The following RABGAP1L variants were observed in gnomAD, a reference collection of about 807,000 sequenced individuals.
RABGAP1L encodes RAB GTPase activating protein 1 like, also known as rab GTPase-activating protein 1-like.
Under a neutral mutation model 137.7 loss-of-function variants are expected in RABGAP1L, and 63 were observed. The observed-to-expected ratio is 0.46, with a 90% CI of 0.37 to 0.56. The LOEUF is 0.56. Among genes scored for constraint, RABGAP1L ranks in the 20% least tolerant of loss-of-function variants. The probability of loss-of-function intolerance (pLI) is 0.00; values close to 1 mark genes in which losing one functional copy is unlikely to be tolerated. For missense variants in RABGAP1L, 1,095 were observed against 1,244.0 expected, an observed-to-expected ratio of 0.88 and a Z score of 1.80; for synonymous variants, 431 against 433.7, an observed-to-expected ratio of 0.99 and a Z score of 0.08.
intron 13 of RABGAP1L, among the ~76,000 whole-genome samples, chr1:174,503,001 C>A (rs779031743): frequency 1.3e-5 from 2 of 152,094 alleles, no homozygotes; most frequent in African/African-American, 4.8e-5. Context: ...TATGTGTGTT[C>A]ATTCATGTGC....
At chr1:174,679,593 A>G (rs1677896734) in intron 14 of RABGAP1L, among the ~76,000 whole-genome samples, 2 of 152,216 alleles carry the variant, frequency 1.3e-5, no homozygotes, top group African/African-American at 4.8e-5. Flanking sequence ...TACTGGAGTC[A>G]GTGCAGTAGG....
At chr1:174,525,812 T>C (rs1018958324) in intron 13 of RABGAP1L, among the ~76,000 whole-genome samples, 3 of 152,206 alleles carry the variant, frequency 2.0e-5, no homozygotes, top group African/African-American at 4.8e-5. Flanking sequence ...ATTCCTTCTA[T>C]GCCTAGTTTG....
At chr1:174,862,003 A>C (rs556731789) in intron 19 of RABGAP1L, among the ~76,000 whole-genome samples, 1 of 152,222 alleles carries the variant, frequency 6.6e-6, no homozygotes, top group South Asian at 2.1e-4. Context: ...TGCTTGTGTC[A>C]AAAAATCATT....
chr1:174,238,386 C>A (rs941452504), intron 4 of RABGAP1L, among the ~76,000 whole-genome samples: 2 of 152,004 alleles, frequency 1.3e-5, no homozygotes, highest in Admixed American at 6.6e-5. Context: ...TGTTTTTTCC[C>A]CATCTTTGTG....
chr1:174,985,882 T>C (rs1044110069), intron 24 of RABGAP1L, among the ~76,000 whole-genome samples: 4 of 152,234 alleles, frequency 2.6e-5, no homozygotes, highest in Admixed American at 2.6e-4. Flanking sequence ...ATTAGTGACC[T>C]ACATCGTCAT....
chr1:174,689,569 C>G (rs1335424311), intron 15 of RABGAP1L, among the ~76,000 whole-genome samples: 1 of 152,120 alleles, frequency 6.6e-6, no homozygotes, highest in Non-Finnish European at 1.5e-5. Context: ...GGCAAAATGA[C>G]TGTTGGCTGG....
intron 13 of RABGAP1L, among the ~76,000 whole-genome samples, chr1:174,515,399 T>A (rs1384763365): frequency 6.6e-6 from 1 of 152,222 alleles, no homozygotes; most frequent in Non-Finnish European, 1.5e-5. Context: ...GCACACACAC[T>A]GAAGTATAAT....
At position 174,978,878 on chromosome 1, in the gene RABGAP1L, T is replaced by A; in HGVS notation, c.2721T>A (p.Ala907=). The A allele has an allele frequency of 6.5e-7, 1 of 1,542,180 alleles. No homozygotes were observed. ...TAAAGAAGACTACAGCTATCATTGC[T>A]GAGTATAAACAGGTAATGTACTTCT... is the stretch of plus-strand genomic sequence containing the variant. ...YEIKKTTAII[A]EYKQICSQLS... is the part of the protein sequence containing the mutation. Residue 907 remains alanine, a synonymous_variant, in exon 23 of 26, where the codon GCT becomes GCA. Coordinates refer to ENST00000681986, the MANE Select transcript of RABGAP1L (RefSeq NM_001366446.1).
At chr1:174,431,479 C>T (rs1652622346) in intron 13 of RABGAP1L, among the ~76,000 whole-genome samples, 2 of 152,108 alleles carry the variant, frequency 1.3e-5, no homozygotes, top group African/African-American at 4.8e-5. Flanking sequence ...AAAACAGGTA[C>T]CTCCTCACTT....
intron 19 of RABGAP1L, among the ~76,000 whole-genome samples, chr1:174,878,566 T>C (rs1209977933): frequency 2.6e-5 from 4 of 152,168 alleles, no homozygotes. Context: ...TAACTTCTTA[T>C]TATATTTAAT....
At chr1:174,736,934 G>A (rs1682998420) in intron 17 of RABGAP1L, among the ~76,000 whole-genome samples, 1 of 152,208 alleles carries the variant, frequency 6.6e-6, no homozygotes, top group African/African-American at 2.4e-5. Context: ...GGCCCCTGAA[G>A]CCATTCTTTC....
chr1:174,176,685 A>G (rs1302338503), intron 1 of RABGAP1L, among the ~76,000 whole-genome samples: 3 of 132,004 alleles, frequency 2.3e-5, no homozygotes, highest in Non-Finnish European at 3.2e-5. Flanking sequence ...GTACTCCAGC[A>G]TGGACAACAG....
chr1:174,675,428 G>A (rs1208182468), intron 14 of RABGAP1L, among the ~76,000 whole-genome samples: 2 of 151,818 alleles, frequency 1.3e-5, no homozygotes, highest in African/African-American at 2.4e-5. Context: ...TGAGGGCTCT[G>A]TTCTGTTCCA....
At chr1:174,281,642 C>T (rs1325156501) in intron 10 of RABGAP1L, among the ~76,000 whole-genome samples, 1 of 152,176 alleles carries the variant, frequency 6.6e-6, no homozygotes, top group African/African-American at 2.4e-5. Flanking sequence ...GACTGGGAAG[C>T]ACAGTAGCTG....
chr1:174,341,160 G>A (rs368460297), intron 11 of RABGAP1L, among the ~76,000 whole-genome samples: 3 of 152,020 alleles, frequency 2.0e-5, no homozygotes, highest in Non-Finnish European at 4.4e-5. Context: ...ATATTAGATT[G>A]TTGTCAGATG....
chr1:174,493,911 G>A (rs4284300), intron 13 of RABGAP1L, among the ~76,000 whole-genome samples: 143,357 of 152,062 alleles, frequency 0.94, 67,689 homozygotes, highest in East Asian at 1. Context: ...GGTTTATCCA[G>A]AGTTCAAAGT....
At chr1:174,239,822 A>G (rs1159807325) in intron 4 of RABGAP1L, among the ~76,000 whole-genome samples, 2 of 152,186 alleles carry the variant, frequency 1.3e-5, no homozygotes, top group Non-Finnish European at 2.9e-5. Flanking sequence ...TATTCTCTGA[A>G]AGTTGCTTTA....
chr1:174,720,016 T>A (rs1330172607), intron 17 of RABGAP1L, among the ~76,000 whole-genome samples: 1 of 151,164 alleles, frequency 6.6e-6, no homozygotes, highest in African/African-American at 2.4e-5. Flanking sequence ...TTCACTAGAA[T>A]AATTTGGGAG....
intron 19 of RABGAP1L, among the ~76,000 whole-genome samples, chr1:174,813,803 G>C (rs987241379): frequency 1.3e-5 from 2 of 152,200 alleles, no homozygotes; most frequent in Non-Finnish European, 2.9e-5. Context: ...TGTGGGTGGT[G>C]AGTTTGAAAG....
Sources: allele counts gnomAD v4.1 joint callset (sites outside exome capture counted in the v4.1 genomes callset), GRCh38; gene constraint gnomAD v4.1.1; transcripts MANE v1.5; gene names NCBI Gene and HGNC (gene_info 2026-07-23, HGNC 2026-07-21).